FGF14: variants seen among roughly 807,000 people sequenced by gnomAD.
The protein encoded by FGF14 is fibroblast growth factor 14.
FGF14 carries 5 observed loss-of-function variants against 25.5 expected under a neutral mutation model. The observed-to-expected ratio is 0.20, with a 90% CI of 0.10 to 0.41. FGF14 has a LOEUF of 0.41. Among genes scored for constraint, FGF14 ranks in the 10% least tolerant of loss-of-function variants. FGF14 has a pLI of 1.00. For missense variants in FGF14, 222 were observed against 320.1 expected (o/e 0.69, Z 2.34); for synonymous variants, 138 against 118.3 (o/e 1.17, Z -1.08).
intron 1 of FGF14, among the ~76,000 whole-genome samples, chr13:102,257,891 A>G (rs936980179): frequency 1.1e-4 from 17 of 152,106 alleles, no homozygotes; most frequent in African/African-American, 3.9e-4. Flanking sequence ...TTTATGGCCC[A>G]GTTCATCAGC....
chr13:102,198,285 C>T (rs1281278913), intron 1 of FGF14, among the ~76,000 whole-genome samples: 2 of 152,228 alleles, frequency 1.3e-5, no homozygotes, highest in Admixed American at 6.5e-5. Context: ...GTTGTCCCAA[C>T]TGGAAAACGA....
intron 3 of FGF14, among the ~76,000 whole-genome samples, chr13:101,783,884 T>C (rs1034825632): frequency 2.6e-5 from 4 of 152,178 alleles, no homozygotes; most frequent in African/African-American, 4.8e-5. Flanking sequence ...CCAGTTTTAA[T>C]CTTCTGCATA....
intron 3 of FGF14, among the ~76,000 whole-genome samples, chr13:101,834,167 A>G (rs1353860309): frequency 6.6e-6 from 1 of 152,122 alleles, no homozygotes; most frequent in East Asian, 1.9e-4. Flanking sequence ...CACTTTAGGT[A>G]GTACATCTTT....
At chr13:102,019,570 G>A (rs529857546) in intron 1 of FGF14, among the ~76,000 whole-genome samples, 6 of 152,274 alleles carry the variant, frequency 3.9e-5, no homozygotes, top group African/African-American at 1.4e-4. Context: ...TAAGCAGTAA[G>A]TAATGGAGCA....
At position 101,849,993 on chromosome 13, in the gene FGF14, G is replaced by T. The variant is rs569382803; in HGVS notation, c.408+18732C>A. ...CAAGTTAGAATTTTTTATAAATGTG[G>T]TTCCTTAATAAAGAAAAAAAGTATG... On this transcript the variant is annotated intron_variant, in intron 3 of 4. Transcript: ENST00000376143. Among the ~76,000 whole-genome samples the T allele has an allele frequency of 5.3e-5, 8 of 151,960 alleles. No individual in the cohort carries two copies. In the South Asian group the frequency reaches 1.7e-3, roughly 32 times the overall value.
intron 1 of FGF14, among the ~76,000 whole-genome samples, chr13:101,932,239 T>TA (rs1433540859): frequency 2.0e-5 from 3 of 151,996 alleles, no homozygotes; most frequent in Non-Finnish European, 4.4e-5. Context: ...TTTTTAAAAA[T>TA]AAATTCCAGG....
intron 1 of FGF14, among the ~76,000 whole-genome samples, chr13:102,025,658 C>T (rs1041299227): frequency 3.9e-5 from 6 of 152,078 alleles, no homozygotes; most frequent in African/African-American, 1.4e-4. Flanking sequence ...ATCTGCCTGT[C>T]TCAGACTCCC....
At chr13:101,763,208 C>T (rs72660325) in intron 3 of FGF14, among the ~76,000 whole-genome samples, 4 of 152,094 alleles carry the variant, frequency 2.6e-5, no homozygotes, top group Admixed American at 2.6e-4. Context: ...GTTAGAAACA[C>T]CATTTTACCT....
chr13:102,088,147 T>C (rs920215940), intron 1 of FGF14, among the ~76,000 whole-genome samples: 13 of 152,198 alleles, frequency 8.5e-5, no homozygotes, highest in Admixed American at 7.9e-4. Context: ...AGTAAGTGGG[T>C]TAGTTTCCTG....
chr13:102,061,176 G>A (rs924167375), intron 1 of FGF14, among the ~76,000 whole-genome samples: 1 of 152,190 alleles, frequency 6.6e-6, no homozygotes, highest in Non-Finnish European at 1.5e-5. Flanking sequence ...GATTTTTCCA[G>A]TACACAAGGG....
intron 1 of FGF14, among the ~76,000 whole-genome samples, chr13:102,007,971 C>G (rs569728729): frequency 1.3e-5 from 2 of 152,222 alleles, no homozygotes; most frequent in South Asian, 2.1e-4. Context: ...TATAACACAA[C>G]AAGCTTTAGA....
At chr13:102,154,536 C>A (rs1244891354) in intron 1 of FGF14, among the ~76,000 whole-genome samples, 3 of 152,138 alleles carry the variant, frequency 2.0e-5, no homozygotes, top group Admixed American at 6.6e-5. Context: ...TGGAAAGGAA[C>A]AACCGGTACC....
At position 101,722,063 on chromosome 13, in the gene FGF14, C is replaced by CACAT. The variant is rs1241457098; in HGVS notation, c.*764_*767dup. On this transcript the variant is annotated 3_prime_UTR_variant, in exon 5 of 5. Transcript: ENST00000376143. Reference sequence around the variant, plus strand: ...AAAGAAACTAGAGGGGGATGTCAAACACATATCATAGAGAGCTTCCCTGGA... The same window carrying CACAT: ...AAAGAAACTAGAGGGGGATGTCAAACACATACATATCATAGAGAGCTTCCCTGGA... 1 of 152,322 alleles carries CACAT rather than the reference C, an allele frequency of 6.6e-6. No homozygotes were observed. The highest frequency in any genetic ancestry group is 1.5e-5 in the Non-Finnish European group (1 of 68,276). 9.4% of individuals were successfully genotyped at this position (152,322 alleles called of 1,614,324 possible). A position where few individuals can be genotyped will look rare whatever the true frequency, so the allele number is the denominator to read the frequency against.
At chr13:101,965,704 G>GA (rs1447304508) in intron 1 of FGF14, among the ~76,000 whole-genome samples, 1 of 145,322 alleles carries the variant, frequency 6.9e-6, no homozygotes, top group East Asian at 2.0e-4. Context: ...TAACATGAAA[G>GA]AAAAAACCAA....
intron 1 of FGF14, among the ~76,000 whole-genome samples, chr13:102,008,707 A>C (rs1461682755): frequency 1.3e-5 from 2 of 152,090 alleles, no homozygotes; most frequent in Admixed American, 1.3e-4. Flanking sequence ...GTAAATGTTC[A>C]TGTTTTCCAG....
intron 1 of FGF14, among the ~76,000 whole-genome samples, chr13:102,034,451 C>T (rs1008868928): frequency 6.6e-6 from 1 of 152,102 alleles, no homozygotes; most frequent in African/African-American, 2.4e-5. Context: ...TCGGTCGCTG[C>T]CATCTAAACA....
At chr13:102,252,094 G>C (rs150130900) in intron 1 of FGF14, among the ~76,000 whole-genome samples, 261 of 152,268 alleles carry the variant, frequency 1.7e-3, no homozygotes, top group African/African-American at 6.0e-3. Flanking sequence ...TGTTAGGAAG[G>C]AAGATAGCTG....
At chr13:102,283,134 A>G (rs965000286) in intron 1 of FGF14, among the ~76,000 whole-genome samples, 4 of 152,150 alleles carry the variant, frequency 2.6e-5, no homozygotes, top group African/African-American at 9.7e-5. Flanking sequence ...CATCACGCTC[A>G]TGTTCCACTC....
rs373047105 is a variant in FGF14 at position 101,870,975 on chromosome 13, A to ATACATAC, written c.305-2148_305-2147insGTATGTA. On this transcript the variant is annotated intron_variant, in intron 2 of 4. Coordinates refer to ENST00000376143, the MANE Select transcript of FGF14 (RefSeq NM_004115.4). ...TCAAAAATAAATAAATAAATAAATA[A>ATACATAC]ATACATACATACATACATACATACA... Among the ~76,000 whole-genome samples, 91 of 150,488 alleles carry ATACATAC rather than the reference A, an allele frequency of 6.0e-4. No individual in the cohort carries two copies. The East Asian group carries it at 0.015, about 24-fold the overall frequency.
Sources: allele counts gnomAD v4.1 joint callset (sites outside exome capture counted in the v4.1 genomes callset), GRCh38; gene constraint gnomAD v4.1.1; transcripts MANE v1.5; gene names NCBI Gene and HGNC (gene_info 2026-07-23, HGNC 2026-07-21).